The following PI4KA variants were observed in gnomAD, a reference collection of about 807,000 sequenced individuals.
PI4KA encodes phosphatidylinositol 4-kinase alpha, also known as PI4-kinase alpha.
A neutral mutation model predicts 271.4 loss-of-function variants in PI4KA; 122 were observed. That is an observed-to-expected ratio of 0.45 (90% CI 0.39 to 0.52). The LOEUF (loss-of-function observed/expected upper bound fraction) is 0.52, where lower values mean the gene tolerates loss of function less well. Ranked by LOEUF, PI4KA falls within the 20% of genes least tolerant of loss-of-function variation. The pLI, the probability that PI4KA is intolerant of heterozygous loss-of-function variation, is 0.00. For missense variants in PI4KA, 1,969 were observed against 2,769.1 expected (o/e 0.71, Z 6.48); for synonymous variants, 1,041 against 1,078.8 (o/e 0.96, Z 0.69).
At position 20,858,580 on chromosome 22, in the gene PI4KA, G is replaced by A. The variant is rs909554862; in HGVS notation, c.146C>T (p.Ser49Phe). The change falls in exon 1 of 55, where the codon TCC becomes TTC. Residue 49 changes from serine to phenylalanine, a missense_variant. Physicochemically the swap from Ser to Phe is radical, Grantham distance 155 (BLOSUM62 -2). This residue lies in a region of PI4KA where 540 missense variants were observed against 555.5 expected (regional missense o/e 0.97). Transcript: ENST00000255882. The stretch of plus-strand genomic sequence containing the variant: ...GCCCGCCGACGTTACCTTCTCCAAG[G>A]ATGCTGGTCTCTGCACCGCCAGGGA... ...ARSLAVQRPA[S>F]LEKVQKLLCM... The A allele has an allele frequency of 5.0e-5, 71 of 1,415,380 alleles. No individual in the cohort carries two copies. The highest frequency in any genetic ancestry group is 5.8e-5 in the Non-Finnish European group (63 of 1,083,178). The allele number at this position is 1,415,380 out of a possible 1,614,324, so 87.7% of individuals were successfully genotyped here. A position where few individuals can be genotyped will look rare whatever the true frequency, so the allele number is the denominator to read the frequency against.
chr22:20,743,472 T>C (rs1054552292), intron 30 of PI4KA, among the ~76,000 whole-genome samples: 1 of 148,134 alleles, frequency 6.8e-6, no homozygotes, highest in Non-Finnish European at 1.5e-5. Flanking sequence ...AATTTTTTCT[T>C]TGAGACAGAG....
intron 3 of PI4KA, 61 bp downstream of exon 3, chr22:20,834,501 C>A: frequency 1.0e-6 from 1 of 1,002,808 alleles, no homozygotes; most frequent in Non-Finnish European, 1.6e-6. Context: ...ACACTTGATC[C>A]TACAGACACT....
chr22:20,788,499 T>C (rs1405542399), intron 19 of PI4KA, among the ~76,000 whole-genome samples: 1 of 152,180 alleles, frequency 6.6e-6, no homozygotes, highest in Admixed American at 6.5e-5. Flanking sequence ...CAATTTCAGC[T>C]CACAGAAGGG....
chr22:20,727,922 A>C, intron 39 of PI4KA, 58 bp from the exon 40 acceptor site: 1 of 1,308,718 alleles, frequency 7.6e-7, no homozygotes, highest in Non-Finnish European at 1.1e-6. Context: ...GCACTCTCCC[A>C]CCACACTGGA....
intron 1 of PI4KA, among the ~76,000 whole-genome samples, chr22:20,853,903 C>G (rs1927283887): frequency 6.6e-6 from 1 of 151,304 alleles, no homozygotes; most frequent in African/African-American, 2.4e-5. Flanking sequence ...GGTGAGACCC[C>G]CATCTCTAAT....
intron 45 of PI4KA, 97 bp from the exon 46 acceptor site, chr22:20,714,797 G>C: frequency 7.1e-7 from 1 of 1,407,938 alleles, no homozygotes; most frequent in Non-Finnish European, 9.7e-7. Context: ...TGTCCACCCT[G>C]CAGGCACACC....
intron 28 of PI4KA, among the ~76,000 whole-genome samples, chr22:20,748,748 C>T (rs1023399275): frequency 5.3e-5 from 8 of 152,282 alleles, no homozygotes; most frequent in South Asian, 2.1e-4. Flanking sequence ...GACACTATGA[C>T]GATGAAGAGT....
chr22:20,758,462 T>C (rs1402501777), intron 23 of PI4KA, among the ~76,000 whole-genome samples: 2 of 146,298 alleles, frequency 1.4e-5, no homozygotes, highest in Non-Finnish European at 3.0e-5. Context: ...TTCTTTTCTT[T>C]TTTTTTTTTT....
At position 20,738,617 on chromosome 22, in the gene PI4KA, G is replaced by A. The variant is rs560116530; in HGVS notation, c.3741+3611C>T. On this transcript the variant is annotated intron_variant, in intron 32 of 54. Transcript: ENST00000255882. ...AGGGAGTGAGGACCTGAATGACCAC[G>A]TGCTGCTGGGGCCAGTGCCAGGTGT... Among the ~76,000 whole-genome samples, 145 of 152,218 alleles carry A rather than the reference G, an allele frequency of 9.5e-4. 1 individual carries two copies. Among genetic ancestry groups the A allele is most frequent in the Non-Finnish European group, 8.8e-5 (6 of 68,014 alleles).
intron 17 of PI4KA, among the ~76,000 whole-genome samples, chr22:20,797,698 C>T: frequency 6.6e-6 from 1 of 152,174 alleles, no homozygotes; most frequent in East Asian, 1.9e-4. Context: ...GATGAGGAAA[C>T]TGAGGCACAG....
chr22:20,858,720 C>T lies in PI4KA; in HGVS notation c.6G>A (p.Ala2=). ...CTCCGCCTCCCCGGGCCGGGGCCGC[C>T]GCCATCACCTCACGAGCCGCGGCGC... M[A]AAPARGGGGG... The change falls in exon 1 of 55, where the codon GCG becomes GCA. Residue 2 remains alanine (A), a synonymous_variant. Transcript: ENST00000255882. 6.9e-7 allele frequency: 1 copy of T among 1,439,308 alleles called. No individual in the cohort carries two copies. Among genetic ancestry groups the T allele is most frequent in the Non-Finnish European group, 9.1e-7 (1 of 1,100,402 alleles). 89.2% of individuals were successfully genotyped at this position (1,439,308 alleles called of 1,614,324 possible). A position where few individuals can be genotyped will look rare whatever the true frequency, so the allele number is the denominator to read the frequency against.
At chr22:20,784,259 T>C (rs1416826346) in intron 19 of PI4KA, 2 of 1,613,890 alleles carry the variant, frequency 1.2e-6, no homozygotes, top group Non-Finnish European at 1.7e-6. Context: ...TTTCACACTG[T>C]GTGTTTGTTC....
chr22:20,799,438 A>T (rs1002256569), intron 15 of PI4KA, among the ~76,000 whole-genome samples, 162 bp from the exon 16 acceptor site: 4 of 152,114 alleles, frequency 2.6e-5, no homozygotes, highest in Non-Finnish European at 5.9e-5. Flanking sequence ...GCAGAAACAT[A>T]AGCCCCAGGC....
rs779829453 is a variant in PI4KA at position 20,729,468 on chromosome 22, C to T, written c.4527G>A (p.Pro1509=). The T allele has an allele frequency of 6.2e-6, 10 of 1,608,070 alleles. No homozygotes were observed. Among genetic ancestry groups the T allele is most frequent in the Non-Finnish European group, 7.6e-6 (9 of 1,176,934 alleles). ...EIERLITWYN[P]LSAPELELDQ... ...CTAGTTCCAGTTCCGGGGCTGACAG[C>T]GGGTTGTACCATGTGATGAGACGCT... The change falls in exon 39 of 55, where the codon CCG becomes CCA. Residue 1509 remains proline (P), a synonymous_variant. Coordinates refer to ENST00000255882, the MANE Select transcript of PI4KA (RefSeq NM_058004.4).
chr22:20,817,361 T>C (rs1408908962), intron 7 of PI4KA, among the ~76,000 whole-genome samples: 1 of 152,116 alleles, frequency 6.6e-6, no homozygotes, highest in African/African-American at 2.4e-5. Context: ...TTAACATGTG[T>C]CTGACATGGC....
At chr22:20,804,233 C>A (rs924664448) in intron 12 of PI4KA, 67 bp downstream of exon 12, 7 of 1,079,914 alleles carry the variant, frequency 6.5e-6, no homozygotes, top group Non-Finnish European at 1.0e-5. Flanking sequence ...GCCTGAACAG[C>A]AACAGCGTGA....
intron 19 of PI4KA, chr22:20,786,215 T>A: frequency 6.4e-7 from 1 of 1,561,832 alleles, no homozygotes; most frequent in Non-Finnish European, 8.8e-7. Context: ...CCACCTCCAC[T>A]TGCCCTTCCT....
At chr22:20,798,817 C>T in intron 16 of PI4KA, 130 bp from the exon 17 acceptor site, 1 of 694,192 alleles carries the variant, frequency 1.4e-6, no homozygotes, top group East Asian at 2.6e-5. Context: ...AAAGATCATC[C>T]ATTTCTAAAG....
At chr22:20,832,675 G>A (rs1203874921) in intron 3 of PI4KA, among the ~76,000 whole-genome samples, 3 of 151,964 alleles carry the variant, frequency 2.0e-5, no homozygotes, top group African/African-American at 4.8e-5. Context: ...AGCTGGTCTC[G>A]AACTCCTGAC....
Sources: allele counts gnomAD v4.1 joint callset (sites outside exome capture counted in the v4.1 genomes callset), GRCh38; gene constraint gnomAD v4.1.1; regional missense constraint gnomAD v4.1.1; transcripts MANE v1.5; gene names NCBI Gene and HGNC (gene_info 2026-07-23, HGNC 2026-07-21).